Variants in GLP1R observed in about 807,000 individuals in gnomAD.
The protein encoded by GLP1R is glucagon-like peptide 1 receptor.
In GLP1R, 32 loss-of-function variants were observed where a neutral mutation model predicts 68.4. The observed-to-expected ratio is 0.47, with a 90% CI of 0.35 to 0.63. The LOEUF (loss-of-function observed/expected upper bound fraction) is 0.63. Ranked by LOEUF, GLP1R falls within the 20% of genes least tolerant of loss-of-function variation. The pLI is 0.00. For missense variants in GLP1R, 502 were observed against 594.9 expected, an observed-to-expected ratio of 0.84 and a Z score of 1.62; for synonymous variants, 263 against 244.4, an observed-to-expected ratio of 1.08 and a Z score of -0.71.
At chr6:39,078,011 G>T (rs967574741) in intron 7 of GLP1R, among the ~76,000 whole-genome samples, 1 of 152,100 alleles carries the variant, frequency 6.6e-6, no homozygotes, top group African/African-American at 2.4e-5. Flanking sequence ...GCTGCTGTTT[G>T]TGTGTCTGTG....
chr6:39,079,644 C>T lies in GLP1R; in HGVS notation c.1124C>T (p.Ala375Val). Residue 375 changes from alanine (A) to valine (V), a missense_variant, in exon 11 of 13, where the codon GCC becomes GTC. Coordinates refer to ENST00000373256, the MANE Select transcript of GLP1R (RefSeq NM_002062.5). The surrounding 1 kb of genome is among the most constrained non-coding windows in gnomAD (Gnocchi z 4.5). Reference protein sequence around the residue: ...VIFAFVMDEHARGTLRFIKLF... With the variant: ...VIFAFVMDEHVRGTLRFIKLF... ...TTTGCCTTTGTGATGGACGAGCACG[C>T]CCGGGGGACCCTGCGCTTCATCAAG... 4 of 1,612,022 alleles carry T rather than the reference C, an allele frequency of 2.5e-6. No homozygotes were observed. The highest frequency in any genetic ancestry group is 3.4e-6 in the Non-Finnish European group (4 of 1,179,112).
Position 39,049,057 on chromosome 6 carries a change from A to T in GLP1R, c.78+139A>T. ...GGGGGCATCCGAAAGCCTCGGGGGG[A>T]GTAGGGACTGGAGACTTGGTGCCCC... On this transcript the variant is annotated intron_variant, in intron 1 of 12. Coordinates refer to ENST00000373256, the MANE Select transcript of GLP1R (RefSeq NM_002062.5). This position sits in a 1 kb window ranked among gnomAD's most constrained non-coding sequence, Gnocchi z 4.5. 1 of 481,054 alleles carries T rather than the reference A, an allele frequency of 2.1e-6. No homozygotes were observed. Among genetic ancestry groups the T allele is most frequent in the East Asian group, 3.6e-5 (1 of 28,068 alleles). The allele number at this position is 481,054 out of a possible 1,614,324, so 29.8% of individuals were successfully genotyped here. A position where few individuals can be genotyped will look rare whatever the true frequency, so the allele number is the denominator to read the frequency against.
At chr6:39,063,351 C>CT (rs1426631409) in intron 3 of GLP1R, among the ~76,000 whole-genome samples, 3 of 152,146 alleles carry the variant, frequency 2.0e-5, no homozygotes, top group Non-Finnish European at 2.9e-5. Flanking sequence ...CATTTGTGGG[C>CT]TTGAGAGGGG....
At chr6:39,055,035 G>T (rs927106802) in intron 1 of GLP1R, among the ~76,000 whole-genome samples, 3 of 152,102 alleles carry the variant, frequency 2.0e-5, no homozygotes, top group Admixed American at 1.3e-4. Flanking sequence ...GGTAGCCCCT[G>T]CCGCCTTGGC....
chr6:39,064,938 C>T (rs887388241), intron 3 of GLP1R, among the ~76,000 whole-genome samples: 2 of 152,278 alleles, frequency 1.3e-5, no homozygotes, highest in African/African-American at 2.4e-5. Context: ...GGCTGGATCC[C>T]TTTCCTCTCT....
chr6:39,049,719 C>T lies in GLP1R; in HGVS notation c.78+801C>T, dbSNP rs1162752406. ...TGGGCTCCTTGGTGCCACCAGAGAG[C>T]AGGCCACAGGTGGACCACCGCAGCC... On this transcript the variant is annotated intron_variant, in intron 1 of 12. Coordinates refer to ENST00000373256, the MANE Select transcript of GLP1R (RefSeq NM_002062.5). The surrounding 1 kb of genome is among the most constrained non-coding windows in gnomAD (Gnocchi z 4.5). Among the ~76,000 whole-genome samples, 1 of 152,122 alleles carries T rather than the reference C, an allele frequency of 6.6e-6. No individual in the cohort carries two copies. Among genetic ancestry groups the T allele is most frequent in the Admixed American group, 6.5e-5 (1 of 15,286 alleles).
intron 12 of GLP1R, among the ~76,000 whole-genome samples, chr6:39,084,481 C>A (rs1769093111): frequency 2.0e-5 from 3 of 152,178 alleles, no homozygotes; most frequent in Admixed American, 1.3e-4. Flanking sequence ...AGTTTACCAT[C>A]TTTCCCCCCC....
At chr6:39,062,198 G>A (rs1768372401) in intron 3 of GLP1R, among the ~76,000 whole-genome samples, 1 of 152,186 alleles carries the variant, frequency 6.6e-6, no homozygotes, top group Non-Finnish European at 1.5e-5. Flanking sequence ...CAGCAGCAGG[G>A]TCTGGCTTAA....
At chr6:39,065,457 G>A (rs1437538280) in intron 3 of GLP1R, among the ~76,000 whole-genome samples, 1 of 148,674 alleles carries the variant, frequency 6.7e-6, no homozygotes, top group Non-Finnish European at 1.5e-5. Context: ...GGCTGAGGGT[G>A]GAGCTGAGGA....
intron 1 of GLP1R, among the ~76,000 whole-genome samples, chr6:39,056,118 A>G (rs1190633968): frequency 1.3e-5 from 2 of 151,834 alleles, no homozygotes; most frequent in African/African-American, 4.8e-5. Context: ...TCCTTCACCC[A>G]CCCACCTCCC....
chr6:39,057,700 G>T, intron 3 of GLP1R, 121 bp downstream of exon 3: 1 of 645,814 alleles, frequency 1.5e-6, no homozygotes, highest in South Asian at 1.7e-5. Flanking sequence ...TACCTGCCCT[G>T]GGCCAGCAGT....
In GLP1R at chr6:39,079,488, G is replaced by A. The variant is rs1768932025; in HGVS notation, c.1044-76G>A. On this transcript the variant is annotated intron_variant, in intron 10 of 12. Coordinates refer to ENST00000373256, the MANE Select transcript of GLP1R (RefSeq NM_002062.5). This position sits in a 1 kb window ranked among gnomAD's most constrained non-coding sequence, Gnocchi z 4.5. ...CAGATATCAGGACTTGGTAGGAAGT[G>A]GGGAGGGTAGAGAAAGGGAAGAAGA... 1.5e-6 allele frequency: 2 copies of A among 1,376,154 alleles called. No individual in the cohort carries two copies. The highest frequency in any genetic ancestry group is 1.4e-5 in the South Asian group (1 of 71,292). The allele number at this position is 1,376,154 out of a possible 1,614,324, so 85.2% of individuals were successfully genotyped here. A position where few individuals can be genotyped will look rare whatever the true frequency, so the allele number is the denominator to read the frequency against.
chr6:39,054,306 G>A (rs1047667330), intron 1 of GLP1R, among the ~76,000 whole-genome samples: 1 of 152,032 alleles, frequency 6.6e-6, no homozygotes, highest in East Asian at 1.9e-4. Flanking sequence ...TACGAGGCGT[G>A]GGAGAGGCCA....
chr6:39,065,624 T>C lies in GLP1R; in HGVS notation c.284-87T>C, dbSNP rs570820230. 46 of 767,778 alleles carry C rather than the reference T, an allele frequency of 6.0e-5. No homozygotes were observed. The East Asian group carries it at 8.1e-4, about 14-fold the overall frequency. The allele number at this position is 767,778 out of a possible 1,614,324, so 47.6% of individuals were successfully genotyped here. On this transcript the variant is annotated intron_variant, in intron 3 of 12. Transcript: ENST00000373256. ...CATTCTGGGGGAGCAGGGATAGCCC[T>C]CAGAATGGGGAGGAAGGGGAGCATC...
At chr6:39,065,874 C>T (rs1248393072) in intron 4 of GLP1R, 45 bp downstream of exon 4, 3 of 1,155,344 alleles carry the variant, frequency 2.6e-6, no homozygotes, top group African/African-American at 3.0e-5. Flanking sequence ...GGAGCCATGT[C>T]TTGGAGCACT....
At chr6:39,073,114 C>T in intron 6 of GLP1R, 99 bp downstream of exon 6, 1 of 1,162,756 alleles carries the variant, frequency 8.6e-7, no homozygotes, top group South Asian at 1.4e-5. Context: ...AAGACAAGAG[C>T]CGAACAGTCC....
chr6:39,073,880 T>TG (rs1768741669), intron 7 of GLP1R, 111 bp downstream of exon 7: 1 of 920,614 alleles, frequency 1.1e-6, no homozygotes, highest in Non-Finnish European at 1.7e-6. Context: ...CAAGGCCCAC[T>TG]GGGTAACCCT....
At chr6:39,077,904 G>A (rs1375819997) in intron 7 of GLP1R, among the ~76,000 whole-genome samples, 1 of 152,182 alleles carries the variant, frequency 6.6e-6, no homozygotes, top group Non-Finnish European at 1.5e-5. Context: ...GAGTTGACTG[G>A]CAACGTGGGC....
At chr6:39,066,775 G>T (rs1768531070) in intron 5 of GLP1R, among the ~76,000 whole-genome samples, 1 of 152,142 alleles carries the variant, frequency 6.6e-6, no homozygotes, top group East Asian at 1.9e-4. Flanking sequence ...CAAACTAGGA[G>T]CTGGGAACAG....
Sources: allele counts gnomAD v4.1 joint callset (sites outside exome capture counted in the v4.1 genomes callset), GRCh38; gene constraint gnomAD v4.1.1; non-coding constraint Gnocchi (gnomAD v3.1); transcripts MANE v1.5; gene names NCBI Gene and HGNC (gene_info 2026-07-23, HGNC 2026-07-21).